Variants in ANP32A observed in about 807,000 individuals in gnomAD.
ANP32A encodes acidic nuclear phosphoprotein 32 family member A.
ANP32A carries 1 observed loss-of-function variant against 33.9 expected under a neutral mutation model. The observed-to-expected ratio is 0.03, with a 90% CI of 0.01 to 0.14. The LOEUF is 0.14. ANP32A is among the 10% of genes least tolerant of loss of function. The pLI is 1.00. For synonymous variants in ANP32A, 115 were observed against 120.5 expected (o/e 0.95, Z 0.30); for missense variants, 155 against 306.0 (o/e 0.51, Z 3.68).
At chr15:68,812,886 TAG>T (rs1192063983) in intron 1 of ANP32A, 1 of 152,168 alleles carries the variant, frequency 6.6e-6, no homozygotes, top group Non-Finnish European at 1.5e-5. Context: ...ACTCCCATTT[TAG>T]AATTTCAGAA....
chr15:68,803,075 T>C (rs1215136582), intron 1 of ANP32A, among the ~76,000 whole-genome samples: 1 of 152,152 alleles, frequency 6.6e-6, no homozygotes, highest in African/African-American at 2.4e-5. Context: ...AAGGTGTCTT[T>C]GACTTCTGCT....
chr15:68,787,245 A>C, intron 3 of ANP32A, 168 bp downstream of exon 3: 2 of 954,814 alleles, frequency 2.1e-6, no homozygotes, highest in Non-Finnish European at 3.1e-6. Flanking sequence ...TCTGGGCCTC[A>C]GTTTCTCTAT....
Position 68,820,808 on chromosome 15 carries a change from C to G in ANP32A, c.-57G>C. On this transcript the variant is annotated 5_prime_UTR_variant, in exon 1 of 7. Coordinates refer to ENST00000465139, the MANE Select transcript of ANP32A (RefSeq NM_006305.4). ...CGCCGGCGGAATTCAATCAATAAACCCCGAACCCACGGCCGCGCGTTTTAG... is the reference window on the plus strand; with the variant it reads ...CGCCGGCGGAATTCAATCAATAAACGCCGAACCCACGGCCGCGCGTTTTAG... 1 of 1,607,096 alleles carries G rather than the reference C, an allele frequency of 6.2e-7. No individual in the cohort carries two copies. Among genetic ancestry groups the G allele is most frequent in the Non-Finnish European group, 8.5e-7 (1 of 1,174,148 alleles).
chr15:68,820,890 C>A lies in ANP32A; in HGVS notation c.-139G>T. Reference sequence around the variant, plus strand: ...TCTCGAGCCCCCAGCACCCGCGGCGCACACTAACCTGATCGCCGTGGAGGC... The same window carrying A: ...TCTCGAGCCCCCAGCACCCGCGGCGAACACTAACCTGATCGCCGTGGAGGC... On this transcript the variant is annotated 5_prime_UTR_variant, in exon 1 of 7. Coordinates refer to ENST00000465139, the MANE Select transcript of ANP32A (RefSeq NM_006305.4). The A allele has an allele frequency of 9.9e-7, 1 of 1,012,210 alleles. No individual in the cohort carries two copies. Among genetic ancestry groups the A allele is most frequent in the Non-Finnish European group, 1.5e-6 (1 of 679,394 alleles). The allele number at this position is 1,012,210 out of a possible 1,614,324, so 62.7% of individuals were successfully genotyped here.
At chr15:68,803,216 C>T (rs1226280172) in intron 1 of ANP32A, among the ~76,000 whole-genome samples, 5 of 152,214 alleles carry the variant, frequency 3.3e-5, no homozygotes, top group South Asian at 2.1e-4. Context: ...GCCTTACCTA[C>T]ACCTCAGGGG....
intron 1 of ANP32A, among the ~76,000 whole-genome samples, chr15:68,797,190 G>C (rs1008695306): frequency 3.3e-5 from 5 of 152,168 alleles, no homozygotes; most frequent in African/African-American, 7.2e-5. Flanking sequence ...CGGGTGCTGG[G>C]TTCTGAATGT....
chr15:68,817,251 A>G (rs1300979719), intron 1 of ANP32A: 1 of 152,146 alleles, frequency 6.6e-6, no homozygotes, highest in Non-Finnish European at 1.5e-5. Flanking sequence ...TCGCTTTAGG[A>G]TCTCATTACT....
intron 1 of ANP32A, chr15:68,789,345 A>T (rs934106076): frequency 6.6e-6 from 1 of 152,336 alleles, no homozygotes; most frequent in African/African-American, 2.4e-5. Flanking sequence ...TCTCAACAGC[A>T]GTCCAGCATT....
Position 68,780,546 on chromosome 15 carries a change from C to G in ANP32A, c.625-73G>C, listed in dbSNP as rs1045349021. 2 of 1,592,456 alleles carry G rather than the reference C, an allele frequency of 1.3e-6. No homozygotes were observed. The highest frequency in any genetic ancestry group is 4.5e-5 in the East Asian group (2 of 44,638). On this transcript the variant is annotated intron_variant, in intron 5 of 6. Transcript: ENST00000465139. This position sits in a 1 kb window ranked among gnomAD's most constrained non-coding sequence, Gnocchi z 4.3. Reference sequence around the variant, plus strand: ...GACATGCTGAGGAAGCCACACAGAGCACAAAAAGGCCGGGGTCACCCCCAG... The same window carrying G: ...GACATGCTGAGGAAGCCACACAGAGGACAAAAAGGCCGGGGTCACCCCCAG...
chr15:68,795,263 C>T (rs1894048717), intron 1 of ANP32A, among the ~76,000 whole-genome samples: 1 of 152,202 alleles, frequency 6.6e-6, no homozygotes, highest in Non-Finnish European at 1.5e-5. Context: ...TCCCCTATTA[C>T]TTTAAAACAA....
chr15:68,784,663 A>C, intron 3 of ANP32A, 68 bp from the exon 4 acceptor site: 2 of 1,560,280 alleles, frequency 1.3e-6, no homozygotes, highest in Non-Finnish European at 1.8e-6. Flanking sequence ...CAGCCCTAGC[A>C]AACAGGCAAG....
In ANP32A at chr15:68,784,487, C is replaced by T; in HGVS notation, c.436G>A (p.Asp146Asn). Residue 146 changes from aspartate (D) to asparagine (N), a missense_variant, in exon 4 of 7, where the codon GAC becomes AAC. This residue lies in a region of ANP32A where 85 missense variants were observed against 183.8 expected (regional missense o/e 0.46). Transcript: ENST00000465139. Reference sequence around the variant, plus strand: ...TCCTTGTCGTCCCGGTCATAGCCGTCGAGATATGTGAGTTGCGGGAGGAGC... The same window carrying T: ...TCCTTGTCGTCCCGGTCATAGCCGTTGAGATATGTGAGTTGCGGGAGGAGC... ...FKLLPQLTYL[D>N]GYDRDDKEAP... 6.2e-7 allele frequency: 1 copy of T among 1,614,164 alleles called. No homozygotes were observed. Among genetic ancestry groups the T allele is most frequent in the Non-Finnish European group, 8.5e-7 (1 of 1,180,024 alleles).
chr15:68,780,122 G>T lies in ANP32A; in HGVS notation c.709C>A (p.Arg237=), dbSNP rs77729713. 4,177 of 1,613,416 alleles carry T rather than the reference G, an allele frequency of 2.6e-3. 98 individuals are homozygous for T. The African/African-American group carries it at 0.048, about 19-fold the overall frequency. Residue 237 remains arginine, a synonymous_variant, in exon 7 of 7, where the codon CGA becomes AGA. Coordinates refer to ENST00000465139, the MANE Select transcript of ANP32A (RefSeq NM_006305.4). The surrounding 1 kb of genome is among the most constrained non-coding windows in gnomAD (Gnocchi z 4.3). ...ELGEEERGQK[R]KREPEDEGED... is the part of the protein sequence containing the mutation. Reference sequence around the variant, plus strand: ...CCCTCATCTTCAGGTTCTCGTTTTCGCTTCTGACCCCTTTCTTCTTCTGGA... The same window carrying T: ...CCCTCATCTTCAGGTTCTCGTTTTCTCTTCTGACCCCTTTCTTCTTCTGGA...
intron 3 of ANP32A, 147 bp from the exon 4 acceptor site, chr15:68,784,742 T>C: frequency 1.1e-6 from 1 of 941,300 alleles, no homozygotes; most frequent in Non-Finnish European, 1.6e-6. Context: ...TGGCTCTGCT[T>C]AGCCACAGTG....
intron 1 of ANP32A, among the ~76,000 whole-genome samples, chr15:68,795,750 G>A (rs1567036280): frequency 6.6e-6 from 1 of 152,130 alleles, no homozygotes; most frequent in African/African-American, 2.4e-5. Flanking sequence ...TCCTAGCTGG[G>A]CCCCTCCCTG....
chr15:68,800,763 A>AAAAAAAG (rs1567037332), intron 1 of ANP32A, among the ~76,000 whole-genome samples: 9 of 150,620 alleles, frequency 6.0e-5, no homozygotes, highest in Non-Finnish European at 8.9e-5. Flanking sequence ...AAAAAGAAAG[A>AAAAAAAG]AAAGAAAAGG....
intron 1 of ANP32A, chr15:68,817,315 AC>A (rs1894396168): frequency 6.6e-6 from 1 of 152,298 alleles, no homozygotes; most frequent in Non-Finnish European, 1.5e-5. Flanking sequence ...GCAGGTTTAG[AC>A]CGAGGAGGAG....
At chr15:68,784,160 C>T (rs957944092) in intron 4 of ANP32A, 6 of 582,102 alleles carry the variant, frequency 1.0e-5, no homozygotes, top group Non-Finnish European at 1.8e-5. Context: ...GGGACTCATG[C>T]TTTGTTCTTT....
chr15:68,797,711 C>T (rs1467827942), intron 1 of ANP32A, among the ~76,000 whole-genome samples: 1 of 152,190 alleles, frequency 6.6e-6, no homozygotes, highest in African/African-American at 2.4e-5. Context: ...AAGTGCTTCT[C>T]CCCTCATAGA....
Sources: allele counts gnomAD v4.1 joint callset (sites outside exome capture counted in the v4.1 genomes callset), GRCh38; gene constraint gnomAD v4.1.1; regional missense constraint gnomAD v4.1.1; non-coding constraint Gnocchi (gnomAD v3.1); transcripts MANE v1.5; gene names NCBI Gene and HGNC (gene_info 2026-07-23, HGNC 2026-07-21).